The following CES5A variants were observed in gnomAD, a reference collection of about 807,000 sequenced individuals.
The protein encoded by CES5A is carboxylesterase 5A, also known as carboxylesterase 5.
Under a neutral mutation model 62.9 loss-of-function variants are expected in CES5A, and 67 were observed. The observed-to-expected ratio is 1.07, with a 90% CI of 0.88 to 1.31. The LOEUF is 1.31. Among genes scored for constraint, CES5A ranks in the 50% most tolerant of loss-of-function variants. The pLI is 0.00. For missense variants in CES5A, 748 were observed against 708.5 expected, an observed-to-expected ratio of 1.06 and a Z score of -0.63; for synonymous variants, 296 against 280.8, an observed-to-expected ratio of 1.05 and a Z score of -0.54.
chr16:55,894,076 A>G (rs1391503497), intron 1 of CES5A, among the ~76,000 whole-genome samples: 1 of 152,190 alleles, frequency 6.6e-6, no homozygotes, highest in African/African-American at 2.4e-5. Flanking sequence ...TGAAAAACTG[A>G]TGAAAGAAAA....
rs1391971385 is a variant in CES5A, at chr16:55,861,534, A to G, written c.811-18T>C. 4 of 1,542,134 alleles carry G rather than the reference A, an allele frequency of 2.6e-6. No homozygotes were observed. Among genetic ancestry groups the G allele is most frequent in the Non-Finnish European group, 3.6e-6 (4 of 1,114,518 alleles). On this transcript the variant is annotated intron_variant, in intron 6 of 12. Transcript: ENST00000290567. Reference sequence around the variant, plus strand: ...ACCTGCAGCTATTTTGTAGAGAAGGACCGGGTTAGAGCATGATATTGAAAG... The same window carrying G: ...ACCTGCAGCTATTTTGTAGAGAAGGGCCGGGTTAGAGCATGATATTGAAAG...
chr16:55,864,221 T>A (rs1359663583), intron 5 of CES5A, among the ~76,000 whole-genome samples: 1 of 152,198 alleles, frequency 6.6e-6, no homozygotes, highest in African/African-American at 2.4e-5. Context: ...ATATGAAAAG[T>A]TAGGTTAATA....
intron 1 of CES5A, among the ~76,000 whole-genome samples, chr16:55,915,802 T>G (rs1402613781): frequency 6.6e-6 from 1 of 152,186 alleles, no homozygotes; most frequent in African/African-American, 2.4e-5. Flanking sequence ...CCCGTTTGCA[T>G]GATGTCTGAC....
chr16:55,846,851 T>C lies in CES5A; in HGVS notation c.1424-11A>G, dbSNP rs201648366. 7 of 1,612,880 alleles carry C rather than the reference T, an allele frequency of 4.3e-6. No individual in the cohort carries two copies. The African/African-American group carries it at 5.3e-5, about 12-fold the overall frequency. ...CCTCCGTGGCTCCTTCTGAAGGAGA[T>C]AATCACAAAATGCTGCTGCTCTGGG... On this transcript the variant is annotated splice_polypyrimidine_tract_variant and intron_variant, in intron 11 of 12. Coordinates refer to ENST00000290567, the MANE Select transcript of CES5A (RefSeq NM_001143685.2).
intron 2 of CES5A, among the ~76,000 whole-genome samples, chr16:55,945,585 C>T (rs1401645576): frequency 2.0e-5 from 3 of 152,234 alleles, no homozygotes; most frequent in Admixed American, 1.3e-4. Context: ...ACCTCTAGCA[C>T]TAACCCCTCC....
chr16:55,933,022 ACACT>A (rs1488074484), intron 2 of CES5A, among the ~76,000 whole-genome samples: 1 of 152,230 alleles, frequency 6.6e-6, no homozygotes, highest in Non-Finnish European at 1.5e-5. Flanking sequence ...TAGTTAAGTA[ACACT>A]CAATACATAC....
chr16:55,911,178 C>G (rs938946082), intron 1 of CES5A, among the ~76,000 whole-genome samples: 2 of 152,182 alleles, frequency 1.3e-5, no homozygotes, highest in South Asian at 2.1e-4. Context: ...CCCCAGCCCC[C>G]ACATGTCCTC....
intron 1 of CES5A, among the ~76,000 whole-genome samples, chr16:55,905,641 T>C (rs1217211033): frequency 6.6e-6 from 1 of 152,090 alleles, no homozygotes; most frequent in Admixed American, 6.5e-5. Flanking sequence ...ATTACAGGCA[T>C]GAGCCACCGT....
chr16:55,936,606 G>A (rs2216055), intron 2 of CES5A, among the ~76,000 whole-genome samples: 4,013 of 152,200 alleles, frequency 0.026, 73 homozygotes, highest in Non-Finnish European at 0.044. Context: ...TTAGTAGTAG[G>A]TGCTCCTCTA....
At chr16:55,889,458 A>T (rs1017384381) in intron 1 of CES5A, among the ~76,000 whole-genome samples, 6 of 152,150 alleles carry the variant, frequency 3.9e-5, no homozygotes, top group African/African-American at 1.2e-4. Context: ...TGGCTCACAG[A>T]ACTCAAGTCA....
intron 1 of CES5A, among the ~76,000 whole-genome samples, chr16:55,898,551 T>C (rs1434548813): frequency 6.6e-6 from 1 of 152,104 alleles, no homozygotes; most frequent in East Asian, 1.9e-4. Context: ...AGACAATCAA[T>C]AAATATCTGT....
In CES5A at chr16:55,846,790, A is replaced by G. The variant is rs1294301054; in HGVS notation, c.1474T>C (p.Trp492Arg). The change falls in exon 12 of 13, where the codon TGG (tryptophan) becomes CGG (arginine). Residue 492 changes from tryptophan to arginine, a missense_variant. Coordinates refer to ENST00000290567, the MANE Select transcript of CES5A (RefSeq NM_001143685.2). ...KLLSRKMMKY[W>R]ATFARTGNPN... ...TACCCGGTTCGAGCAAAGGTAGCCCAGTATTTCATCATCTTCCGGCTCAGT... is the reference window on the plus strand; with the variant it reads ...TACCCGGTTCGAGCAAAGGTAGCCCGGTATTTCATCATCTTCCGGCTCAGT... 1.2e-6 allele frequency: 2 copies of G among 1,614,204 alleles called. No individual in the cohort carries two copies. Among genetic ancestry groups the G allele is most frequent in the African/African-American group, 1.3e-5 (1 of 75,054 alleles).
At chr16:55,862,055 C>T (rs2033362517) in intron 6 of CES5A, among the ~76,000 whole-genome samples, 1 of 152,170 alleles carries the variant, frequency 6.6e-6, no homozygotes, top group Non-Finnish European at 1.5e-5. Context: ...TATACCAATC[C>T]TTTTCATTCT....
intron 4 of CES5A, chr16:55,869,391 A>T: frequency 2.4e-6 from 2 of 817,078 alleles, no homozygotes; most frequent in Middle Eastern, 4.0e-4. Context: ...GGGATGCTCA[A>T]TTAAACTTTA....
chr16:55,944,130 C>T (rs751302083), intron 2 of CES5A: 10 of 701,826 alleles, frequency 1.4e-5, no homozygotes, highest in Non-Finnish European at 2.3e-5. Context: ...GATCTGACAA[C>T]CTCTCTGTAT....
chr16:55,947,380 C>T (rs1298596915), intron 2 of CES5A, among the ~76,000 whole-genome samples: 1 of 152,118 alleles, frequency 6.6e-6, no homozygotes, highest in Non-Finnish European at 1.5e-5. Context: ...GGCAATTTTC[C>T]CATCTGAGAT....
intron 1 of CES5A, among the ~76,000 whole-genome samples, chr16:55,919,630 AC>A (rs1330422710): frequency 6.6e-6 from 1 of 152,210 alleles, no homozygotes; most frequent in Non-Finnish European, 1.5e-5. Context: ...TGATGAAACA[AC>A]CTTTGTGAAT....
chr16:55,918,358 A>G (rs2034168507), intron 1 of CES5A, among the ~76,000 whole-genome samples: 2 of 152,142 alleles, frequency 1.3e-5, no homozygotes, highest in Non-Finnish European at 2.9e-5. Context: ...TCCAACTATA[A>G]TAAATCCGTC....
intron 1 of CES5A, among the ~76,000 whole-genome samples, chr16:55,914,459 C>T (rs1177675391): frequency 6.6e-6 from 1 of 152,124 alleles, no homozygotes; most frequent in Non-Finnish European, 1.5e-5. Flanking sequence ...GTGGGGGTAA[C>T]TCTGCTGTAT....
Sources: allele counts gnomAD v4.1 joint callset (sites outside exome capture counted in the v4.1 genomes callset), GRCh38; gene constraint gnomAD v4.1.1; transcripts MANE v1.5; gene names NCBI Gene and HGNC (gene_info 2026-07-23, HGNC 2026-07-21).